GABRG3: variants seen among roughly 807,000 people sequenced by gnomAD.
The protein encoded by GABRG3 is gamma-aminobutyric acid receptor subunit gamma-3.
A neutral mutation model predicts 48.8 loss-of-function variants in GABRG3; 25 were observed. That is an observed-to-expected ratio of 0.51 (90% CI 0.37 to 0.72). The LOEUF (loss-of-function observed/expected upper bound fraction) is 0.72, where lower values mean the gene tolerates loss of function less well. GABRG3 is among the 30% of genes least tolerant of loss of function. The pLI is 0.00. For synonymous variants in GABRG3, 227 were observed against 217.6 expected, an observed-to-expected ratio of 1.04 and a Z score of -0.38; for missense variants, 394 against 577.9, an observed-to-expected ratio of 0.68 and a Z score of 3.26.
intron 3 of GABRG3, among the ~76,000 whole-genome samples, chr15:27,283,811 C>G (rs1359142075): frequency 6.6e-6 from 1 of 152,178 alleles, no homozygotes; most frequent in African/African-American, 2.4e-5. Flanking sequence ...TCTAGCCCAT[C>G]TGCTTTCTTC....
intron 3 of GABRG3, among the ~76,000 whole-genome samples, chr15:27,035,731 G>A (rs140917556): frequency 3.6e-4 from 55 of 152,332 alleles, no homozygotes; most frequent in African/African-American, 1.2e-3. Flanking sequence ...GATTGGGGAA[G>A]GACAGGACGA....
intron 3 of GABRG3, among the ~76,000 whole-genome samples, chr15:27,133,415 C>T (rs1187816824): frequency 1.3e-5 from 2 of 152,188 alleles, no homozygotes; most frequent in Admixed American, 6.5e-5. Context: ...TGGTGTTACA[C>T]CCCCATTTCA....
At chr15:27,202,708 G>C (rs926319960) in intron 3 of GABRG3, among the ~76,000 whole-genome samples, 1 of 151,966 alleles carries the variant, frequency 6.6e-6, no homozygotes, top group Non-Finnish European at 1.5e-5. Flanking sequence ...TTCATCTTTC[G>C]TGAATTGCCT....
chr15:27,197,541 C>T (rs1035757045), intron 3 of GABRG3, among the ~76,000 whole-genome samples: 2 of 151,602 alleles, frequency 1.3e-5, no homozygotes, highest in Admixed American at 6.6e-5. Context: ...AGGCAGCGGC[C>T]TTCAGGGTTG....
chr15:27,426,221 G>GA (rs572379846), intron 5 of GABRG3, among the ~76,000 whole-genome samples: 178 of 152,206 alleles, frequency 1.2e-3, no homozygotes, highest in African/African-American at 4.0e-3. Flanking sequence ...TGGGCGGTGG[G>GA]AAAAAAGAGA....
chr15:27,197,751 G>T (rs189059577), intron 3 of GABRG3, among the ~76,000 whole-genome samples: 1 of 152,048 alleles, frequency 6.6e-6, no homozygotes, highest in Admixed American at 6.6e-5. Flanking sequence ...GCTTTTTTTG[G>T]TTGGTAGGCT....
chr15:27,208,306 C>T (rs1358436659), intron 3 of GABRG3: 2 of 212,400 alleles, frequency 9.4e-6, no homozygotes, highest in Non-Finnish European at 2.1e-5. Context: ...GAGCCAAGGC[C>T]TGGTCAGTGA....
intron 5 of GABRG3, among the ~76,000 whole-genome samples, chr15:27,423,721 CTTTT>C (rs542775399): frequency 2.6e-4 from 21 of 81,768 alleles, no homozygotes; most frequent in African/African-American, 9.4e-4. Context: ...TTTTCTTTTC[CTTTT>C]TTTTTTTTTT....
chr15:27,490,216 A>T (rs1890315966), intron 6 of GABRG3, among the ~76,000 whole-genome samples: 1 of 152,228 alleles, frequency 6.6e-6, no homozygotes, highest in African/African-American at 2.4e-5. Context: ...GTTGGTTGAT[A>T]TTTATTTTTA....
intron 3 of GABRG3, among the ~76,000 whole-genome samples, chr15:27,036,519 G>A (rs979276044): frequency 1.3e-5 from 2 of 152,202 alleles, no homozygotes; most frequent in African/African-American, 4.8e-5. Context: ...GTGAAATACC[G>A]TCTCTACTAG....
chr15:27,337,648 T>C (rs925885310), intron 5 of GABRG3, among the ~76,000 whole-genome samples: 2 of 152,192 alleles, frequency 1.3e-5, no homozygotes, highest in African/African-American at 4.8e-5. Context: ...TTAGTATCAG[T>C]CATGTTCTTC....
intron 3 of GABRG3, among the ~76,000 whole-genome samples, chr15:27,077,037 A>G (rs1896921969): frequency 6.6e-6 from 1 of 152,172 alleles, no homozygotes. Context: ...ATGATCCCCA[A>G]TAGCCTTTGA....
At chr15:27,380,474 C>T (rs1217246092) in intron 5 of GABRG3, among the ~76,000 whole-genome samples, 2 of 151,328 alleles carry the variant, frequency 1.3e-5, no homozygotes, top group African/African-American at 4.9e-5. Flanking sequence ...TATTAAGAGA[C>T]AGACATAGTG....
intron 3 of GABRG3, among the ~76,000 whole-genome samples, chr15:27,252,217 C>T (rs775505873): frequency 3.9e-5 from 6 of 152,156 alleles, no homozygotes; most frequent in Non-Finnish European, 7.4e-5. Context: ...GCCTGGCCTC[C>T]TCACCAGCCC....
At chr15:27,347,684 G>A (rs1317207019) in intron 5 of GABRG3, among the ~76,000 whole-genome samples, 1 of 152,186 alleles carries the variant, frequency 6.6e-6, no homozygotes, top group Non-Finnish European at 1.5e-5. Context: ...ATTCCTGGAG[G>A]AAAAGCTCAG....
intron 5 of GABRG3, among the ~76,000 whole-genome samples, chr15:27,337,303 A>G (rs1240732897): frequency 6.6e-6 from 1 of 152,202 alleles, no homozygotes; most frequent in South Asian, 2.1e-4. Flanking sequence ...TAGATTTTCT[A>G]GGAGTCTCAT....
intron 3 of GABRG3, among the ~76,000 whole-genome samples, chr15:27,100,359 T>A (rs541190179): frequency 1.4e-4 from 21 of 152,204 alleles, no homozygotes; most frequent in Non-Finnish European, 2.5e-4. Flanking sequence ...AAAAGAAATC[T>A]TGAGTTTTAT....
intron 5 of GABRG3, among the ~76,000 whole-genome samples, chr15:27,351,085 AGTGTGTGTATG>A (rs1332675636): frequency 4.7e-5 from 6 of 127,380 alleles, no homozygotes; most frequent in African/African-American, 1.2e-4. Context: ...GTGTGTGTAT[AGTGTGTGTATG>A]GTGTGTGTGT....
At chr15:27,013,062 A>G (rs568131852) in intron 2 of GABRG3, among the ~76,000 whole-genome samples, 2 of 152,146 alleles carry the variant, frequency 1.3e-5, no homozygotes, top group African/African-American at 2.4e-5. Context: ...TGAAAAATAA[A>G]ATATTTTGTA....
Sources: gnomAD v4.1 joint callset for allele counts (sites outside exome capture counted in the v4.1 genomes callset) on GRCh38, gnomAD v4.1.1 for gene constraint, MANE v1.5 for transcripts, NCBI Gene and HGNC (gene_info 2026-07-23, HGNC 2026-07-21) for gene names.